The following HACD4 variants were observed in gnomAD, a reference collection of about 807,000 sequenced individuals.
HACD4 encodes the protein very-long-chain (3R)-3-hydroxyacyl-CoA dehydratase 4.
In HACD4, 35 loss-of-function variants were observed where a neutral mutation model predicts 33.3. The ratio of observed to expected loss-of-function variants is 1.05; its 90% CI spans 0.80 to 1.39. The LOEUF is 1.39. Among genes scored for constraint, HACD4 ranks in the 40% most tolerant of loss-of-function variants. HACD4 has a pLI of 0.00. For synonymous variants in HACD4, 118 were observed against 98.0 expected, an observed-to-expected ratio of 1.20 and a Z score of -1.21; for missense variants, 323 against 276.5, an observed-to-expected ratio of 1.17 and a Z score of -1.19.
intron 3 of HACD4, 55 bp downstream of exon 3, chr9:21,026,541 G>C: frequency 5.5e-6 from 8 of 1,447,842 alleles, no homozygotes; most frequent in Non-Finnish European, 7.6e-6. Context: ...AAGCTTTAAA[G>C]AGAAAAAATG....
At chr9:21,020,541 T>C (rs181435107) in intron 3 of HACD4, among the ~76,000 whole-genome samples, 2 of 152,238 alleles carry the variant, frequency 1.3e-5, no homozygotes, top group African/African-American at 4.8e-5. Context: ...CAAGTTGTTT[T>C]GATTAAATTT....
intron 3 of HACD4, 63 bp downstream of exon 3, chr9:21,026,533 G>C: frequency 7.2e-7 from 1 of 1,383,972 alleles, no homozygotes; most frequent in Non-Finnish European, 1.0e-6. Context: ...GTCAAGAGAA[G>C]CTTTAAAGAG....
chr9:21,023,952 G>A (rs112939129), intron 3 of HACD4, among the ~76,000 whole-genome samples: 1 of 152,192 alleles, frequency 6.6e-6, no homozygotes, highest in African/African-American at 2.4e-5. Context: ...TTACTTAAAA[G>A]CAGCCACTCT....
At chr9:21,026,824 CT>C in intron 2 of HACD4, 101 bp from the exon 3 acceptor site, 3 of 922,592 alleles carry the variant, frequency 3.3e-6, no homozygotes, top group Middle Eastern at 2.3e-4. Context: ...TATTCACTTC[CT>C]TTTTCATTGT....
intron 2 of HACD4, 141 bp from the exon 3 acceptor site, chr9:21,026,864 C>G (rs562004449): frequency 1.1e-5 from 7 of 646,512 alleles, no homozygotes; most frequent in Non-Finnish European, 1.9e-5. Context: ...AAGTAGGCTA[C>G]TAAATTATTA....
At position 21,011,713 on chromosome 9, in the gene HACD4, G is replaced by A. The variant is rs1486404276; in HGVS notation, c.384-18C>T. 7.4e-7 allele frequency: 1 copy of A among 1,344,152 alleles called. No individual in the cohort carries two copies. Among genetic ancestry groups the A allele is most frequent in the Non-Finnish European group, 1.1e-6 (1 of 951,268 alleles). 83.3% of individuals were successfully genotyped at this position (1,344,152 alleles called of 1,614,324 possible). A position where few individuals can be genotyped will look rare whatever the true frequency, so the allele number is the denominator to read the frequency against. On this transcript the variant is annotated intron_variant, in intron 4 of 6. Transcript: ENST00000495827. The stretch of plus-strand genomic sequence containing the variant: ...AAGTGTACCTGAAAGGAGATGAGAA[G>A]CTCATAAACATCATTTTCTGCTAAT...
intron 3 of HACD4, among the ~76,000 whole-genome samples, chr9:21,017,258 C>G (rs960837620): frequency 1.1e-4 from 16 of 152,092 alleles, no homozygotes; most frequent in African/African-American, 3.9e-4. Flanking sequence ...GCCACATGAT[C>G]AGAAATCCAC....
intron 3 of HACD4, among the ~76,000 whole-genome samples, chr9:21,016,326 G>C (rs1421711019): frequency 6.6e-6 from 1 of 152,180 alleles, no homozygotes; most frequent in Non-Finnish European, 1.5e-5. Context: ...AGTGTCCACT[G>C]TGTGTCAGAT....
intron 3 of HACD4, among the ~76,000 whole-genome samples, chr9:21,025,067 C>A (rs1305324995): frequency 6.6e-6 from 1 of 152,076 alleles, no homozygotes; most frequent in Non-Finnish European, 1.5e-5. Context: ...AGATCTGTAT[C>A]CCCGTTTATT....
Position 21,018,592 on chromosome 9 carries a change from C to T in HACD4, c.271-2582G>A, listed in dbSNP as rs183678094. Among the ~76,000 whole-genome samples, 968 of 152,224 alleles carry T rather than the reference C, an allele frequency of 6.4e-3. 17 individuals carry two copies. The highest frequency in any genetic ancestry group is 0.022 in the African/African-American group (932 of 41,544). ...AGTCTTCTCTAATATGACCATTTGA[C>T]CAGTTATTTAGAGCTTGACACATGG... On this transcript the variant is annotated intron_variant, in intron 3 of 6. Coordinates refer to ENST00000495827, the MANE Select transcript of HACD4 (RefSeq NM_001010915.5).
intron 5 of HACD4, among the ~76,000 whole-genome samples, chr9:21,009,503 A>G (rs571408490): frequency 6.6e-6 from 1 of 152,328 alleles, no homozygotes; most frequent in African/African-American, 2.4e-5. Flanking sequence ...GGGATTAGTC[A>G]TATTTCTACC....
chr9:21,024,650 C>T (rs1276823919), intron 3 of HACD4, among the ~76,000 whole-genome samples: 1 of 152,180 alleles, frequency 6.6e-6, no homozygotes, highest in Non-Finnish European at 1.5e-5. Context: ...ATTTTCTAGG[C>T]ACATTCAAGG....
chr9:21,012,924 G>A (rs1055608370), intron 4 of HACD4, among the ~76,000 whole-genome samples: 2 of 152,008 alleles, frequency 1.3e-5, no homozygotes, highest in Admixed American at 6.5e-5. Flanking sequence ...AAAATTAGCC[G>A]GGCGTGGTGG....
chr9:21,028,887 T>C (rs1818132784), intron 2 of HACD4, among the ~76,000 whole-genome samples: 1 of 152,224 alleles, frequency 6.6e-6, no homozygotes, highest in Non-Finnish European at 1.5e-5. Context: ...CACTTACTAG[T>C]AGTCTCCAGT....
intron 3 of HACD4, among the ~76,000 whole-genome samples, chr9:21,025,857 C>A (rs543100617): frequency 6.6e-5 from 10 of 152,264 alleles, no homozygotes; most frequent in Non-Finnish European, 1.5e-4. Context: ...AGGAACTTAT[C>A]CATTTTCTCA....
intron 4 of HACD4, among the ~76,000 whole-genome samples, chr9:21,012,535 C>T (rs1242768961): frequency 2.0e-5 from 3 of 152,160 alleles, no homozygotes; most frequent in African/African-American, 7.2e-5. Context: ...GACCTGAATT[C>T]CACCCCTCAG....
intron 3 of HACD4, among the ~76,000 whole-genome samples, chr9:21,026,067 A>T (rs1014779454): frequency 2.0e-5 from 3 of 152,200 alleles, no homozygotes; most frequent in Admixed American, 6.5e-5. Flanking sequence ...GACGTTTAGT[A>T]AAAAAGAGGG....
chr9:21,013,066 CAA>C (rs570206944), intron 4 of HACD4, among the ~76,000 whole-genome samples: 7 of 69,044 alleles, frequency 1.0e-4, no homozygotes, highest in Admixed American at 1.6e-4. Context: ...GACTCCATCT[CAA>C]AAAAAAAAAA....
At chr9:21,023,398 A>G (rs1817977605) in intron 3 of HACD4, among the ~76,000 whole-genome samples, 1 of 151,982 alleles carries the variant, frequency 6.6e-6, no homozygotes, top group Non-Finnish European at 1.5e-5. Context: ...TGCACAAGAA[A>G]CAGAAACACA....
Sources: gnomAD v4.1 joint callset for allele counts (sites outside exome capture counted in the v4.1 genomes callset) on GRCh38, gnomAD v4.1.1 for gene constraint, MANE v1.5 for transcripts, NCBI Gene and HGNC (gene_info 2026-07-23, HGNC 2026-07-21) for gene names.